C10orf90: variants seen among roughly 807,000 people sequenced by gnomAD.
The protein encoded by C10orf90 is chromosome 10 open reading frame 90.
C10orf90 carries 56 observed loss-of-function variants against 62.5 expected under a neutral mutation model. The ratio of observed to expected loss-of-function variants is 0.90; its 90% CI spans 0.72 to 1.12. The LOEUF (loss-of-function observed/expected upper bound fraction) is 1.12, where lower values mean the gene tolerates loss of function less well. Among genes scored for constraint, C10orf90 ranks in the 50% most tolerant of loss-of-function variants. C10orf90 has a pLI of 0.00. For synonymous variants in C10orf90, 386 were observed against 340.4 expected (o/e 1.13, Z -1.47); for missense variants, 970 against 880.4 (o/e 1.10, Z -1.29).
intron 2 of C10orf90, among the ~76,000 whole-genome samples, chr10:126,540,908 G>A (rs1041833131): frequency 4.6e-5 from 7 of 152,204 alleles, no homozygotes; most frequent in Middle Eastern, 3.4e-3. Context: ...TATAATATTC[G>A]TAATCTGTTT....
intron 2 of C10orf90, among the ~76,000 whole-genome samples, chr10:126,586,040 T>C (rs1396116418): frequency 6.6e-6 from 1 of 152,216 alleles, no homozygotes; most frequent in Non-Finnish European, 1.5e-5. Context: ...CCAAGGCAAC[T>C]CATTTTCTTT....
chr10:126,549,952 GCTTT>G (rs1240562033), intron 2 of C10orf90, among the ~76,000 whole-genome samples: 1 of 126,330 alleles, frequency 7.9e-6, no homozygotes, highest in Non-Finnish European at 1.7e-5. Context: ...ATTCTGTAAA[GCTTT>G]CTTTTTTTTT....
At chr10:126,458,901 G>A in intron 7 of C10orf90, 139 bp downstream of exon 7, 1 of 917,470 alleles carries the variant, frequency 1.1e-6, no homozygotes. Flanking sequence ...GATGCTGAGG[G>A]TCAGCCACTT....
At chr10:126,514,368 C>G (rs1354359633) in intron 2 of C10orf90, among the ~76,000 whole-genome samples, 8 of 152,142 alleles carry the variant, frequency 5.3e-5, no homozygotes, top group African/African-American at 1.7e-4. Context: ...TTGGAGGGGT[C>G]ATGGATGACT....
intron 2 of C10orf90, chr10:126,524,628 T>C: frequency 1.0e-6 from 1 of 985,376 alleles, no homozygotes; most frequent in Non-Finnish European, 1.2e-6. Context: ...CTGGGAGGGG[T>C]CCAGACGGCA....
At chr10:126,658,908 A>C (rs1439331922) in intron 1 of C10orf90, among the ~76,000 whole-genome samples, 1 of 152,150 alleles carries the variant, frequency 6.6e-6, no homozygotes, top group Non-Finnish European at 1.5e-5. Context: ...CCTAGTTTTA[A>C]AACAAGGGAA....
intron 2 of C10orf90, among the ~76,000 whole-genome samples, chr10:126,569,265 T>C (rs1169477200): frequency 6.6e-6 from 1 of 152,182 alleles, no homozygotes; most frequent in Non-Finnish European, 1.5e-5. Context: ...GAACCTCTTG[T>C]TAGTGCCACA....
In C10orf90 at chr10:126,501,208, G is replaced by A. The variant is rs575004853; in HGVS notation, c.1534+2749C>T. ...AAGGTTTTGTGGAATCTGAAGGTCA[G>A]CAAGCTCACCCTCCACACGTTGTGC... is the stretch of plus-strand genomic sequence containing the variant. On this transcript the variant is annotated intron_variant, in intron 4 of 9. Coordinates refer to ENST00000488181, the MANE Select transcript of C10orf90 (RefSeq NM_001350921.2). Among the ~76,000 whole-genome samples the A allele has an allele frequency of 8.5e-5, 13 of 152,324 alleles. No homozygotes were observed. In the South Asian group the frequency reaches 1.5e-3, roughly 17 times the overall value.
chr10:126,478,285 C>T (rs1386926647), intron 4 of C10orf90, among the ~76,000 whole-genome samples: 1 of 152,226 alleles, frequency 6.6e-6, no homozygotes, highest in African/African-American at 2.4e-5. Flanking sequence ...TGACGATGCA[C>T]AGGTCACTCC....
chr10:126,524,875 T>A (rs987537186), intron 2 of C10orf90: 1 of 963,524 alleles, frequency 1.0e-6, no homozygotes, highest in African/African-American at 1.8e-5. Context: ...AAAACGCCAT[T>A]ATTTCCATCA....
At chr10:126,584,330 T>C (rs1844814801) in intron 2 of C10orf90, among the ~76,000 whole-genome samples, 1 of 151,692 alleles carries the variant, frequency 6.6e-6, no homozygotes, top group Non-Finnish European at 1.5e-5. Flanking sequence ...GCCTGTCTGC[T>C]TGTCCATCCG....
chr10:126,523,114 A>G lies in C10orf90; in HGVS notation c.314-9175T>C, dbSNP rs901826035. On this transcript the variant is annotated intron_variant, in intron 2 of 9. Coordinates refer to ENST00000488181, the MANE Select transcript of C10orf90 (RefSeq NM_001350921.2). ...TATAATAAAGACATTTTAAAAGCCT[A>G]TTCTACTGAATTTTGTGGTCACTTG... is the stretch of plus-strand genomic sequence containing the variant. Among the ~76,000 whole-genome samples the G allele has an allele frequency of 3.3e-5, 5 of 152,364 alleles. No individual in the cohort carries two copies. In the South Asian group the frequency reaches 1.0e-3, roughly 32 times the overall value.
chr10:126,492,237 T>C (rs1483608310), intron 4 of C10orf90, among the ~76,000 whole-genome samples: 1 of 152,150 alleles, frequency 6.6e-6, no homozygotes, highest in African/African-American at 2.4e-5. Flanking sequence ...CATTTTTGGT[T>C]GTGTGCTAGG....
In C10orf90 at chr10:126,490,046, T is replaced by TA. The variant is rs1480402486; in HGVS notation, c.1534+13910dup. ...AATATATAATATATAATATATATTA[T>TA]ATATTATGTTATATAATATATAATA... On this transcript the variant is annotated intron_variant, in intron 4 of 9. Coordinates refer to ENST00000488181, the MANE Select transcript of C10orf90 (RefSeq NM_001350921.2). 1.1e-4 allele frequency among the ~76,000 whole-genome samples: 10 copies of TA among 94,664 alleles called. No individual in the cohort carries two copies. In the Admixed American group the frequency reaches 1.3e-3, roughly 12 times the overall value. The allele number at this position is 94,664 out of a possible 152,430, so 62.1% of individuals were successfully genotyped here.
At chr10:126,568,607 C>T (rs61175343) in intron 2 of C10orf90, among the ~76,000 whole-genome samples, 2,341 of 152,268 alleles carry the variant, frequency 0.015, 50 homozygotes, top group African/African-American at 0.051. Flanking sequence ...GGAATTATAT[C>T]CTATCACATA....
At chr10:126,470,340 C>CTT (rs1564815405) in intron 4 of C10orf90, among the ~76,000 whole-genome samples, 1 of 152,212 alleles carries the variant, frequency 6.6e-6, no homozygotes, top group Non-Finnish European at 1.5e-5. Context: ...TTGCTTTATT[C>CTT]TTTTCCTTTC....
chr10:126,626,800 C>G (rs1342554613), intron 2 of C10orf90, among the ~76,000 whole-genome samples: 1 of 152,032 alleles, frequency 6.6e-6, no homozygotes, highest in Admixed American at 6.6e-5. Context: ...GAGCATTCAC[C>G]TTGATTTTTA....
At chr10:126,633,484 A>G (rs1845890851) in intron 2 of C10orf90, among the ~76,000 whole-genome samples, 2 of 152,202 alleles carry the variant, frequency 1.3e-5, no homozygotes, top group Admixed American at 1.3e-4. Context: ...TGGCCCAGAA[A>G]GATTTGGGGA....
At chr10:126,665,474 G>C (rs888253412) in intron 1 of C10orf90, among the ~76,000 whole-genome samples, 2 of 152,144 alleles carry the variant, frequency 1.3e-5, no homozygotes, top group African/African-American at 4.8e-5. Context: ...AGACTGAACG[G>C]TGTACTCCAA....
Sources: gnomAD v4.1 joint callset for allele counts (sites outside exome capture counted in the v4.1 genomes callset) on GRCh38, gnomAD v4.1.1 for gene constraint, MANE v1.5 for transcripts, NCBI Gene and HGNC (gene_info 2026-07-23, HGNC 2026-07-21) for gene names.